Variants in PTGS2 observed in about 807,000 individuals in gnomAD.
PTGS2 encodes the protein prostaglandin G/H synthase 2.
Under a neutral mutation model 63.8 loss-of-function variants are expected in PTGS2, and 14 were observed. That is an observed-to-expected ratio of 0.22 (90% CI 0.14 to 0.34). The LOEUF is 0.34. Among genes scored for constraint, PTGS2 ranks in the 10% least tolerant of loss-of-function variants. The pLI, the probability that PTGS2 is intolerant of heterozygous loss-of-function variation, is 1.00. For synonymous variants in PTGS2, 271 were observed against 259.5 expected (o/e 1.04, Z -0.43); for missense variants, 533 against 738.5 (o/e 0.72, Z 3.23).
Position 186,672,737 on chromosome 1 carries a change from A to C in PTGS2, c.*1616T>G, listed in dbSNP as rs1363002297. ...TAAATAAGAAAGGGCATTAATTAGA[A>C]TGGGAACGTAACTTTTTCCAGTCAC... On this transcript the variant is annotated 3_prime_UTR_variant, in exon 10 of 10. Coordinates refer to ENST00000367468, the MANE Select transcript of PTGS2 (RefSeq NM_000963.4). 6.6e-6 allele frequency: 1 copy of C among 152,552 alleles called. No homozygotes were observed. The highest frequency in any genetic ancestry group is 1.5e-5 in the Non-Finnish European group (1 of 67,988). The allele number at this position is 152,552 out of a possible 1,614,324, so 9.4% of individuals were successfully genotyped here.
At chr1:186,677,881 G>C in intron 4 of PTGS2, 51 bp from the exon 5 acceptor site, 2 of 1,537,874 alleles carry the variant, frequency 1.3e-6, no homozygotes, top group Non-Finnish European at 1.8e-6. Flanking sequence ...TTCAAGAAAG[G>C]AGATGGTGAC....
chr1:186,672,326 T>C lies in PTGS2; in HGVS notation c.*2027A>G, dbSNP rs1355198830. 6.6e-6 allele frequency: 1 copy of C among 152,146 alleles called. No homozygotes were observed. Among genetic ancestry groups the C allele is most frequent in the Non-Finnish European group, 1.5e-5 (1 of 67,968 alleles). The allele number at this position is 152,146 out of a possible 1,614,324, so 9.4% of individuals were successfully genotyped here. A position where few individuals can be genotyped will look rare whatever the true frequency, so the allele number is the denominator to read the frequency against. On this transcript the variant is annotated 3_prime_UTR_variant, in exon 10 of 10. Coordinates refer to ENST00000367468, the MANE Select transcript of PTGS2 (RefSeq NM_000963.4). ...CAGTCTTATGGCACATTCAGGCTAA[T>C]GAGACAATATTCTTTGTGGGCTAGC...
chr1:186,677,655 G>A lies in PTGS2; in HGVS notation c.633C>T (p.Gly211=). ...KRGPAFTNGL[G]HGVDLNHIYG... is the part of the protein sequence containing the mutation. ...GATATTAACTCTATCTTACCCCATG[G>A]CCCAGCCCGTTGGTGAAAGCTGGCC... Residue 211 remains glycine (G), a synonymous_variant, in exon 5 of 10, where the codon GGC becomes GGT. Transcript: ENST00000367468. 1 of 1,609,156 alleles carries A rather than the reference G, an allele frequency of 6.2e-7. No homozygotes were observed. The highest frequency in any genetic ancestry group is 8.5e-7 in the Non-Finnish European group (1 of 1,178,194).
Position 186,674,515 on chromosome 1 carries a change from C to T in PTGS2, c.1653G>A (p.Gln551=), listed in dbSNP as rs753108623. The T allele has an allele frequency of 3.7e-6, 6 of 1,614,008 alleles. No homozygotes were observed. The highest frequency in any genetic ancestry group is 1.7e-5 in the Admixed American group (1 of 59,996). The change falls in exon 10 of 10, where the codon CAG becomes CAA. Residue 551 remains glutamine, a synonymous_variant. Coordinates refer to ENST00000367468, the MANE Select transcript of PTGS2 (RefSeq NM_000963.4). ...CCTTCACGTTATTGCAGATGAGAGA[C>T]TGAATTGAGGCAGTGTTGATGATTT... ...GFQIINTASI[Q]SLICNNVKGC... is the part of the protein sequence containing the mutation.
In PTGS2 at chr1:186,677,847, C is replaced by T. The variant is rs767661659; in HGVS notation, c.458-17G>A. The T allele has an allele frequency of 1.2e-6, 2 of 1,611,484 alleles. No homozygotes were observed. Among genetic ancestry groups the T allele is most frequent in the African/African-American group, 1.3e-5 (1 of 74,800 alleles). On this transcript the variant is annotated splice_polypyrimidine_tract_variant and intron_variant, in intron 4 of 9. Transcript: ENST00000367468. ...GCTTTTTACCTGAAAAATGAGAAAG[C>T]TAAGGTAAGAATCCATCTATGTATT... is the stretch of plus-strand genomic sequence containing the variant.
Position 186,675,359 on chromosome 1 carries a change from T to G in PTGS2, c.1295A>C (p.Lys432Thr). 1 of 1,614,070 alleles carries G rather than the reference T, an allele frequency of 6.2e-7. No homozygotes were observed. The highest frequency in any genetic ancestry group is 1.1e-5 in the South Asian group (1 of 91,040). Residue 432 changes from lysine (K) to threonine (T), a missense_variant, in exon 9 of 10, where the codon AAA (lysine) becomes ACA (threonine). Transcript: ENST00000367468. ...GGRNVPPAVQ[K>T]VSQASIDQSR... ...CTGGTCAATGGAAGCCTGTGATACT[T>G]TCTGTACTGCGGGTGGAACATTCCT...
chr1:186,676,400 A>G, intron 7 of PTGS2, 67 bp downstream of exon 7: 2 of 1,568,454 alleles, frequency 1.3e-6, no homozygotes, highest in Middle Eastern at 1.7e-4. Context: ...TACTCAAAAC[A>G]TAACAAAGAT....
In PTGS2 at chr1:186,674,636, A is replaced by G. The variant is rs5273; in HGVS notation, c.1532T>C (p.Val511Ala). Residue 511 changes from valine (V) to alanine (A), a missense_variant, in exon 10 of 10, where the codon GTT (valine) becomes GCT (alanine). Transcript: ENST00000367468. The stretch of plus-strand genomic sequence containing the variant: ...TCCTTTCAAGGAGAATGGTGCTCCA[A>G]CTTCTACCATGGTTTCACCAAAGAT... Reference protein sequence around the residue: ...DAIFGETMVEVGAPFSLKGLM... With the variant: ...DAIFGETMVEAGAPFSLKGLM... 7,070 of 1,614,204 alleles carry G rather than the reference A, an allele frequency of 4.4e-3. 151 individuals carry two copies. In the African/African-American group the frequency reaches 0.045, roughly 10 times the overall value.
Position 186,676,935 on chromosome 1 carries a change from A to T in PTGS2, c.640-19T>A, listed in dbSNP as rs574947041. 1.9e-6 allele frequency: 3 copies of T among 1,587,576 alleles called. No homozygotes were observed. Among genetic ancestry groups the T allele is most frequent in the African/African-American group, 1.3e-5 (1 of 74,246 alleles). Reference sequence around the variant, plus strand: ...AGTCCACCTAGAAAATGATGAAAAAATTTTAATTTGTTGCTGTTGAAGTTT... The same window carrying T: ...AGTCCACCTAGAAAATGATGAAAAATTTTTAATTTGTTGCTGTTGAAGTTT... On this transcript the variant is annotated intron_variant, in intron 5 of 9. Transcript: ENST00000367468.
At chr1:186,676,939 T>A (rs1256674679) in intron 5 of PTGS2, 23 bp from the exon 6 acceptor site, 2 of 1,576,252 alleles carry the variant, frequency 1.3e-6, no homozygotes, top group Non-Finnish European at 8.7e-7. Flanking sequence ...GAAAAAATTT[T>A]AATTTGTTGC....
At chr1:186,676,766 T>A in intron 6 of PTGS2, 53 bp from the exon 7 acceptor site, 1 of 1,596,078 alleles carries the variant, frequency 6.3e-7, no homozygotes, top group Non-Finnish European at 8.5e-7. Flanking sequence ...AGGAACACAT[T>A]TTTAGGGATT....
Position 186,676,864 on chromosome 1 carries a change from C to A in PTGS2, c.692G>T (p.Arg231Leu), listed in dbSNP as rs1242261573. The change falls in exon 6 of 10, where the codon CGC (arginine) becomes CTC (leucine). Residue 231 changes from arginine (R) to leucine (L), a missense_variant. Around this residue, in one of 5 missense-constraint regions of PTGS2, gnomAD observed 118 missense variants for 138.7 expected, o/e 0.85. Transcript: ENST00000367468. The stretch of plus-strand genomic sequence containing the variant: ...TTTCATTTTTCCATCCTTGAAAAGG[C>A]GCAGTTTACGCTGTCTAGCCAGAGT... Reference protein sequence around the residue: ...GETLARQRKLRLFKDGKMKYQ... With the variant: ...GETLARQRKLLLFKDGKMKYQ... The A allele has an allele frequency of 6.2e-7, 1 of 1,609,914 alleles. No homozygotes were observed. Among genetic ancestry groups the A allele is most frequent in the Non-Finnish European group, 8.5e-7 (1 of 1,178,674 alleles).
chr1:186,673,735 A>G lies in PTGS2; in HGVS notation c.*618T>C, dbSNP rs201745115. The G allele has an allele frequency of 2.0e-5, 3 of 152,230 alleles. No homozygotes were observed. The highest frequency in any genetic ancestry group is 4.4e-5 in the Non-Finnish European group (3 of 68,022). The allele number at this position is 152,230 out of a possible 1,614,324, so 9.4% of individuals were successfully genotyped here. ...ATCCAAGACAGCTTCTTTTTGGTAT[A>G]TGTACAAGTTTAATAACTTTAAGAA... On this transcript the variant is annotated 3_prime_UTR_variant, in exon 10 of 10. Transcript: ENST00000367468.
intron 1 of PTGS2, 37 bp from the exon 2 acceptor site, chr1:186,679,475 T>A (rs200715152): frequency 2.1e-6 from 3 of 1,406,248 alleles, no homozygotes; most frequent in Non-Finnish European, 3.0e-6. Context: ...CATTCTCTAG[T>A]GTCTTAATCT....
In PTGS2 at chr1:186,676,787, G is replaced by A. The variant is rs199751949; in HGVS notation, c.723+46C>T. The A allele has an allele frequency of 2.2e-5, 35 of 1,597,976 alleles. No individual in the cohort carries two copies. The South Asian group carries it at 2.9e-4, about 13-fold the overall frequency. ...ACATTTTTAGGGATTTTAAAATATG[G>A]GTATAAGCGGTAATAACTAAGTCTT... On this transcript the variant is annotated intron_variant, in intron 6 of 9. Coordinates refer to ENST00000367468, the MANE Select transcript of PTGS2 (RefSeq NM_000963.4).
chr1:186,678,867 G>A (rs1372339608), intron 3 of PTGS2, among the ~76,000 whole-genome samples, 191 bp downstream of exon 3: 1 of 152,196 alleles, frequency 6.6e-6, no homozygotes, highest in Non-Finnish European at 1.5e-5. Context: ...ACAGAGTTGT[G>A]AGCAGACTGT....
chr1:186,675,063 G>A lies in PTGS2; in HGVS notation c.1405+186C>T, dbSNP rs4648285. Among the ~76,000 whole-genome samples the A allele has an allele frequency of 4.9e-3, 745 of 152,314 alleles. 8 individuals are homozygous for A. The highest frequency in any genetic ancestry group is 0.017 in the African/African-American group (707 of 41,574). Reference sequence around the variant, plus strand: ...CGTGCGACGTGAGCCTGTAGTCCCAGCTACTCAGGAAGTTGAGGCAGGAGA... The same window carrying A: ...CGTGCGACGTGAGCCTGTAGTCCCAACTACTCAGGAAGTTGAGGCAGGAGA... On this transcript the variant is annotated intron_variant, in intron 9 of 9. Coordinates refer to ENST00000367468, the MANE Select transcript of PTGS2 (RefSeq NM_000963.4).
At chr1:186,677,546 A>G in intron 5 of PTGS2, 103 bp downstream of exon 5, 1 of 1,201,982 alleles carries the variant, frequency 8.3e-7, no homozygotes, top group Non-Finnish European at 1.1e-6. Flanking sequence ...AAAAAAGTGG[A>G]TAAGTTATTT....
In PTGS2 at chr1:186,674,192, CAT is replaced by C; in HGVS notation, c.*159_*160del. ...AACAGCAAAATCTTTAGAGTAGTGA[CAT>C]AAAAGTCTTCACAAGTATGACTCCT... On this transcript the variant is annotated 3_prime_UTR_variant, in exon 10 of 10. Transcript: ENST00000367468. The C allele has an allele frequency of 2.6e-6, 1 of 383,210 alleles. No individual in the cohort carries two copies. 23.7% of individuals were successfully genotyped at this position (383,210 alleles called of 1,614,324 possible).
Sources: gnomAD v4.1 joint callset for allele counts (sites outside exome capture counted in the v4.1 genomes callset) on GRCh38, gnomAD v4.1.1 for gene constraint, gnomAD v4.1.1 regional missense constraint, MANE v1.5 for transcripts, NCBI Gene and HGNC (gene_info 2026-07-23, HGNC 2026-07-21) for gene names.